The following PADI3 variants were observed in gnomAD, a reference collection of about 807,000 sequenced individuals.
The protein encoded by PADI3 is protein-arginine deiminase type-3.
PADI3 carries 53 observed loss-of-function variants against 71.5 expected under a neutral mutation model. The observed-to-expected ratio is 0.74, with a 90% confidence interval of 0.59 to 0.93. The LOEUF is 0.93. Ranked by LOEUF, PADI3 falls within the 40% of genes least tolerant of loss-of-function variation. The probability of loss-of-function intolerance (pLI) is 0.00; values close to 1 mark genes in which losing one functional copy is unlikely to be tolerated. For missense variants in PADI3, 821 were observed against 868.0 expected (o/e 0.95, Z 0.68); for synonymous variants, 361 against 347.5 (o/e 1.04, Z -0.43).
In PADI3 at chr1:17,273,364, C is replaced by T; in HGVS notation, c.1072C>T (p.Gln358Ter). Residue 358 changes from glutamine to a stop codon, truncating the protein, a stop_gained, in exon 10 of 16, where the codon CAG becomes TAG. Transcript: ENST00000375460. LOFTEE classifies it high-confidence loss of function. Reference sequence around the variant, plus strand: ...GGATGAGATGGAGCTGGGCTACGTTCAGGCGCCGCACAAGACCCTCCCGGT... The same window carrying T: ...GGATGAGATGGAGCTGGGCTACGTTTAGGCGCCGCACAAGACCCTCCCGGT... ...IQDEMELGYV[Q>*]APHKTLPVVF... is the part of the protein sequence containing the mutation. 1 of 1,613,576 alleles carries T rather than the reference C, an allele frequency of 6.2e-7. No homozygotes were observed. The highest frequency in any genetic ancestry group is 8.5e-7 in the Non-Finnish European group (1 of 1,179,722).
In PADI3 at chr1:17,279,733, C is replaced by T. The variant is rs998691776; in HGVS notation, c.1556-617C>T. Among the ~76,000 whole-genome samples the T allele has an allele frequency of 8.5e-5, 13 of 152,184 alleles. No individual in the cohort carries two copies. The East Asian group carries it at 1.4e-3, about 16-fold the overall frequency. ...AGATGCTGAACCTGGGCACTCCCCT[C>T]GGGGCCTGCTCATGGTAAGCGCTTA... is the stretch of plus-strand genomic sequence containing the variant. On this transcript the variant is annotated intron_variant, in intron 13 of 15. Transcript: ENST00000375460.
intron 13 of PADI3, among the ~76,000 whole-genome samples, chr1:17,278,986 A>T (rs1041940251): frequency 6.6e-6 from 1 of 152,164 alleles, no homozygotes; most frequent in African/African-American, 2.4e-5. Context: ...CCCTAACTAG[A>T]CTCCGGTGAA....
At chr1:17,278,545 GT>G (rs1370335435) in intron 13 of PADI3, among the ~76,000 whole-genome samples, 1 of 151,890 alleles carries the variant, frequency 6.6e-6, no homozygotes, top group Non-Finnish European at 1.5e-5. Context: ...ACTTTTTTTT[GT>G]TTTGTTTTTT....
intron 1 of PADI3, among the ~76,000 whole-genome samples, chr1:17,251,696 G>C (rs1247050099): frequency 6.6e-6 from 1 of 152,240 alleles, no homozygotes. Context: ...TCAAAGGGCA[G>C]TTAGGGGCAT....
At chr1:17,249,255 G>T in intron 1 of PADI3, 26 bp downstream of exon 1, 2 of 1,573,966 alleles carry the variant, frequency 1.3e-6, no homozygotes, top group Non-Finnish European at 1.7e-6. Context: ...CTAGTGGTTT[G>T]CAGGCCCTTG....
At chr1:17,273,225 A>T in intron 9 of PADI3, 115 bp from the exon 10 acceptor site, 1 of 729,786 alleles carries the variant, frequency 1.4e-6, no homozygotes, top group Admixed American at 2.8e-5. Context: ...AGCACAAAAC[A>T]TGCTTGGGCC....
rs200747012 is a variant in PADI3, at chr1:17,273,459, C to G, written c.1155+12C>G. 1 of 1,576,072 alleles carries G rather than the reference C, an allele frequency of 6.3e-7. No individual in the cohort carries two copies. The highest frequency in any genetic ancestry group is 2.2e-5 in the East Asian group (1 of 44,632). On this transcript the variant is annotated intron_variant, in intron 10 of 15. Coordinates refer to ENST00000375460, the MANE Select transcript of PADI3 (RefSeq NM_016233.2). ...ACAAAAGAATCCTGGTGAGTGGTCC[C>G]GGCCGCAGCCCACCCCTGAGAGCTG...
rs773579746 is a variant in PADI3 at position 17,276,765 on chromosome 1, T to C, written c.1453-9T>C. ...AGGAGGCTCAGCTGAATCTGTTCTC[T>C]GCACGCAGGGCTTCCGGATGCTCCT... is the stretch of plus-strand genomic sequence containing the variant. On this transcript the variant is annotated splice_polypyrimidine_tract_variant and intron_variant, in intron 12 of 15. Coordinates refer to ENST00000375460, the MANE Select transcript of PADI3 (RefSeq NM_016233.2). 4.3e-6 allele frequency: 7 copies of C among 1,613,568 alleles called. No homozygotes were observed. The highest frequency in any genetic ancestry group is 8.5e-7 in the Non-Finnish European group (1 of 1,179,770).
intron 1 of PADI3, among the ~76,000 whole-genome samples, chr1:17,254,346 C>T (rs577433318): frequency 1.5e-3 from 231 of 152,236 alleles, no homozygotes; most frequent in Non-Finnish European, 2.8e-3. Context: ...CGGTGTTCAG[C>T]CATGGGGAAC....
chr1:17,270,733 C>T (rs1360671068), intron 7 of PADI3, 146 bp from the exon 8 acceptor site: 3 of 656,750 alleles, frequency 4.6e-6, no homozygotes, highest in Non-Finnish European at 8.1e-6. Flanking sequence ...TGAAAGACCC[C>T]AGACTTCTTG....
Position 17,284,027 on chromosome 1 carries a change from T to G in PADI3, c.*948T>G, listed in dbSNP as rs1474804969. The G allele has an allele frequency of 6.6e-6, 1 of 150,846 alleles. No individual in the cohort carries two copies. The highest frequency in any genetic ancestry group is 1.5e-5 in the Non-Finnish European group (1 of 67,896). 9.3% of individuals were successfully genotyped at this position (150,846 alleles called of 1,614,324 possible). A position where few individuals can be genotyped will look rare whatever the true frequency, so the allele number is the denominator to read the frequency against. On this transcript the variant is annotated 3_prime_UTR_variant, in exon 16 of 16. Coordinates refer to ENST00000375460, the MANE Select transcript of PADI3 (RefSeq NM_016233.2). ...TCTCTGTTGGCCTTTGGTCAGCGTT[T>G]CCACATCCTGCTCTGCTGCAGGAGA...
At chr1:17,281,868 A>G (rs1324165748) in intron 15 of PADI3, among the ~76,000 whole-genome samples, 4 of 152,152 alleles carry the variant, frequency 2.6e-5, no homozygotes, top group Non-Finnish European at 5.9e-5. Context: ...GCGCTAACAA[A>G]CACCCAGGTG....
chr1:17,267,752 G>A lies in PADI3; in HGVS notation c.527-85G>A. On this transcript the variant is annotated intron_variant, in intron 5 of 15. Transcript: ENST00000375460. The stretch of plus-strand genomic sequence containing the variant: ...GGAGACCCAGGTCTTGATACCCACT[G>A]ACCTGGGGAGGGAGCTGGGCAGCAG... 5 of 1,536,842 alleles carry A rather than the reference G, an allele frequency of 3.3e-6. No homozygotes were observed. The East Asian group carries it at 1.1e-4, about 35-fold the overall frequency.
At chr1:17,251,132 T>C (rs371214389) in intron 1 of PADI3, among the ~76,000 whole-genome samples, 1 of 152,182 alleles carries the variant, frequency 6.6e-6, no homozygotes, top group Non-Finnish European at 1.5e-5. Flanking sequence ...TTCAGAGCCT[T>C]GAAGGATGAG....
chr1:17,281,846 G>A (rs1443524207), intron 15 of PADI3, among the ~76,000 whole-genome samples: 1 of 152,204 alleles, frequency 6.6e-6, no homozygotes, highest in African/African-American at 2.4e-5. Flanking sequence ...CACGGCCCGA[G>A]GCACTGCTGC....
intron 13 of PADI3, among the ~76,000 whole-genome samples, chr1:17,277,352 G>A (rs376533114): frequency 9.2e-5 from 14 of 152,022 alleles, no homozygotes; most frequent in Admixed American, 3.9e-4. Context: ...GCGCCACCAC[G>A]CCCGGCTAAT....
intron 9 of PADI3, among the ~76,000 whole-genome samples, chr1:17,271,836 C>CAAAAAAAAAAAAAAA (rs71571852): frequency 2.5e-5 from 2 of 79,434 alleles, no homozygotes; most frequent in Non-Finnish European, 4.6e-5. Flanking sequence ...GCAACAACAA[C>CAAAAAAAAAAAAAAA]AAAAAAAAAA....
intron 6 of PADI3, among the ~76,000 whole-genome samples, chr1:17,268,539 G>T (rs113371046): frequency 8.6e-6 from 1 of 116,404 alleles, no homozygotes; most frequent in Non-Finnish European, 1.6e-5. Flanking sequence ...ACAGAGTCTC[G>T]CTCTGTTGCT....
intron 1 of PADI3, 37 bp from the exon 2 acceptor site, chr1:17,259,541 T>G: frequency 6.6e-7 from 1 of 1,526,692 alleles, no homozygotes; most frequent in Non-Finnish European, 8.8e-7. Context: ...AAAATATATC[T>G]CCTTCGGCAC....
Sources: gnomAD v4.1 joint callset for allele counts (sites outside exome capture counted in the v4.1 genomes callset) on GRCh38, gnomAD v4.1.1 for gene constraint, MANE v1.5 for transcripts, NCBI Gene and HGNC (gene_info 2026-07-23, HGNC 2026-07-21) for gene names.